The following IRGM variants were observed in gnomAD, a reference collection of about 807,000 sequenced individuals.
IRGM encodes immunity-related GTPase family M protein.
For missense variants in IRGM, 288 were observed against 219.9 expected (o/e 1.31, Z -1.96); for synonymous variants, 98 against 80.6 (o/e 1.22, Z -1.16).
At chr5:150,874,356 A>G (rs2113280486) in intron 1 of IRGM, among the ~76,000 whole-genome samples, 1 of 152,308 alleles carries the variant, frequency 6.6e-6, no homozygotes, top group South Asian at 2.1e-4. Context: ...TTGGTGGGAC[A>G]TTTGTATGCC....
intron 3 of IRGM, chr5:150,897,224 G>T (rs892867631): frequency 8.1e-6 from 3 of 369,948 alleles, no homozygotes; most frequent in Non-Finnish European, 1.4e-5. Flanking sequence ...ACTAATTTTT[G>T]ATTATTCTTC....
chr5:150,891,853 G>T (rs182669440), intron 3 of IRGM, among the ~76,000 whole-genome samples: 3 of 152,158 alleles, frequency 2.0e-5, no homozygotes, highest in African/African-American at 7.2e-5. Flanking sequence ...CAAGCTTCCT[G>T]TTGGTCTTCT....
intron 1 of IRGM, among the ~76,000 whole-genome samples, chr5:150,877,107 A>G (rs1305562994): frequency 6.6e-6 from 1 of 152,074 alleles, no homozygotes; most frequent in Non-Finnish European, 1.5e-5. Flanking sequence ...TCTTTGTTTG[A>G]AGATTATGTA....
chr5:150,892,710 C>T (rs1052603061), intron 3 of IRGM, among the ~76,000 whole-genome samples: 3 of 151,934 alleles, frequency 2.0e-5, no homozygotes, highest in African/African-American at 4.8e-5. Flanking sequence ...GAGGAGGCTG[C>T]CCTTTATTCC....
At chr5:150,898,348 G>C in intron 3 of IRGM, 1 of 1,607,430 alleles carries the variant, frequency 6.2e-7, no homozygotes, top group Non-Finnish European at 8.5e-7. Flanking sequence ...ACATATGTCA[G>C]GAACAATCTA....
At chr5:150,851,500 A>G (rs1004532320), downstream of IRGM, among the ~76,000 whole-genome samples, 11 of 152,126 alleles carry the variant, frequency 7.2e-5, no homozygotes, top group Non-Finnish European at 1.6e-4. Context: ...CAAACATTCA[A>G]CTTTATAATA....
At chr5:150,884,053 G>A (rs571096991) in intron 3 of IRGM, among the ~76,000 whole-genome samples, 1 of 151,982 alleles carries the variant, frequency 6.6e-6, no homozygotes, top group Admixed American at 6.6e-5. Flanking sequence ...ATCAAGTGGA[G>A]TTTATTCCAG....
chr5:150,864,816 C>T (rs964714705), intron 1 of IRGM, among the ~76,000 whole-genome samples: 2 of 152,206 alleles, frequency 1.3e-5, no homozygotes, highest in East Asian at 3.8e-4. Context: ...GGAGGCAGCA[C>T]GTTAGTGCTG....
chr5:150,854,122 T>A, intron 1 of IRGM, among the ~76,000 whole-genome samples: 1 of 152,090 alleles, frequency 6.6e-6, no homozygotes, highest in Non-Finnish European at 1.5e-5. Flanking sequence ...GGAGGTTACA[T>A]GTGACAGTAC....
chr5:150,857,271 T>G (rs1247965718), intron 1 of IRGM, among the ~76,000 whole-genome samples: 3 of 152,220 alleles, frequency 2.0e-5, no homozygotes, highest in Non-Finnish European at 4.4e-5. Flanking sequence ...TCATCATTTT[T>G]TATGGCTGCA....
chr5:150,877,037 AT>A (rs1170536201), intron 1 of IRGM, among the ~76,000 whole-genome samples: 1 of 152,230 alleles, frequency 6.6e-6, no homozygotes, highest in Admixed American at 6.5e-5. Context: ...GGATTGGTGC[AT>A]TTCCAGTTGT....
At chr5:150,856,691 A>G (rs1754056792) in intron 1 of IRGM, among the ~76,000 whole-genome samples, 1 of 151,014 alleles carries the variant, frequency 6.6e-6, no homozygotes, top group South Asian at 2.1e-4. Flanking sequence ...ACTGGTCTCA[A>G]ACTCTTGGGC....
intron 3 of IRGM, among the ~76,000 whole-genome samples, chr5:150,888,430 C>T (rs1754557458): frequency 6.6e-6 from 1 of 151,898 alleles, no homozygotes; most frequent in South Asian, 2.1e-4. Context: ...ATTTAGGACC[C>T]AAACTCAACA....
intron 3 of IRGM, among the ~76,000 whole-genome samples, chr5:150,891,149 T>C (rs1428694725): frequency 2.6e-5 from 4 of 152,136 alleles, no homozygotes; most frequent in African/African-American, 9.6e-5. Context: ...GATTATGTTC[T>C]CATGATAAAC....
chr5:150,849,882 G>C (rs977080643), downstream of IRGM, among the ~76,000 whole-genome samples: 1 of 152,096 alleles, frequency 6.6e-6, no homozygotes, highest in Non-Finnish European at 1.5e-5. Context: ...TGGGATTACA[G>C]GCATGAGCCA....
At chr5:150,860,526 G>A (rs956360589) in intron 1 of IRGM, among the ~76,000 whole-genome samples, 3 of 152,122 alleles carry the variant, frequency 2.0e-5, no homozygotes, top group Non-Finnish European at 2.9e-5. Context: ...CTGTTATTTT[G>A]TAATAGTTTA....
chr5:150,889,459 C>A (rs1467203452), intron 3 of IRGM, among the ~76,000 whole-genome samples: 1 of 152,096 alleles, frequency 6.6e-6, no homozygotes, highest in African/African-American at 2.4e-5. Context: ...CCTCCCACAA[C>A]ATGTGGGAAT....
At chr5:150,881,872 C>G (rs1754450726) in intron 3 of IRGM, among the ~76,000 whole-genome samples, 3 of 151,956 alleles carry the variant, frequency 2.0e-5, no homozygotes, top group African/African-American at 7.2e-5. Flanking sequence ...ACCTATATTA[C>G]TAACACAAAA....
downstream of IRGM, among the ~76,000 whole-genome samples, chr5:150,901,568 A>C (rs1284346738): frequency 6.6e-6 from 1 of 152,044 alleles, no homozygotes; most frequent in Non-Finnish European, 1.5e-5. Context: ...AGAACTCTAA[A>C]CTCTACTGTA....
Sources: allele counts gnomAD v4.1 joint callset (sites outside exome capture counted in the v4.1 genomes callset), GRCh38; gene constraint gnomAD v4.1.1; transcripts MANE v1.5; gene names NCBI Gene and HGNC (gene_info 2026-07-23, HGNC 2026-07-21).